Variants in BCL6 observed in about 807,000 individuals in gnomAD.
BCL6 encodes the protein BCL6 transcription repressor.
A neutral mutation model predicts 59.5 loss-of-function variants in BCL6; 7 were observed. The ratio of observed to expected loss-of-function variants is 0.12; its 90% CI spans 0.07 to 0.22. The LOEUF (loss-of-function observed/expected upper bound fraction) is 0.22, where lower values mean the gene tolerates loss of function less well. Ranked by LOEUF, BCL6 falls within the 10% of genes least tolerant of loss-of-function variation. The probability of loss-of-function intolerance (pLI) is 1.00; values close to 1 mark genes in which losing one functional copy is unlikely to be tolerated. For missense variants in BCL6, 685 were observed against 939.4 expected (o/e 0.73, Z 3.54); for synonymous variants, 339 against 349.7 (o/e 0.97, Z 0.34).
At position 187,725,473 on chromosome 3, in the gene BCL6, T is replaced by G; in HGVS notation, c.1839+26A>C. ...CTGCCCGCTCCGCTCGCCTGCCCGC[T>G]CCGCTCGCCTGCCCACTCTGCTCAC... is the stretch of plus-strand genomic sequence containing the variant. On this transcript the variant is annotated intron_variant, in intron 8 of 9. Transcript: ENST00000406870. This position sits in a 1 kb window ranked among gnomAD's most constrained non-coding sequence, Gnocchi z 4.7. 1 of 1,239,998 alleles carries G rather than the reference T, an allele frequency of 8.1e-7. No individual in the cohort carries two copies. Among genetic ancestry groups the G allele is most frequent in the Non-Finnish European group, 1.1e-6 (1 of 905,146 alleles). The allele number at this position is 1,239,998 out of a possible 1,614,324, so 76.8% of individuals were successfully genotyped here.
intron 1 of BCL6, among the ~76,000 whole-genome samples, chr3:187,743,872 C>A (rs1711728768): frequency 6.6e-6 from 1 of 152,156 alleles, no homozygotes; most frequent in Non-Finnish European, 1.5e-5. Flanking sequence ...ATCCAACCAA[C>A]CTCGCAATCT....
At chr3:187,739,201 G>A (rs990580852) in intron 1 of BCL6, among the ~76,000 whole-genome samples, 52 of 152,320 alleles carry the variant, frequency 3.4e-4, no homozygotes, top group African/African-American at 1.1e-3. Flanking sequence ...AATCCAAAGG[G>A]AAATCTGAAA....
chr3:187,744,692 G>C (rs563592106), intron 1 of BCL6, among the ~76,000 whole-genome samples: 1 of 152,272 alleles, frequency 6.6e-6, no homozygotes, highest in African/African-American at 2.4e-5. Context: ...AGCCAGCGGG[G>C]CGAGCGAGCG....
At chr3:187,744,602 AGTTCGCTTGCAT>A (rs1711797792) in intron 1 of BCL6, among the ~76,000 whole-genome samples, 1 of 152,108 alleles carries the variant, frequency 6.6e-6, no homozygotes, top group Admixed American at 6.5e-5. Context: ...AAACCCAAAG[AGTTCGCTTGCAT>A]TTTTTCCTTC....
chr3:187,744,319 T>C (rs1339605041), intron 1 of BCL6, among the ~76,000 whole-genome samples: 1 of 144,802 alleles, frequency 6.9e-6, no homozygotes, highest in Non-Finnish European at 1.5e-5. Flanking sequence ...TGCGCACCCC[T>C]TTCCCACCCA....
intron 1 of BCL6, among the ~76,000 whole-genome samples, chr3:187,743,864 C>T (rs34523440): frequency 4.5e-4 from 69 of 152,244 alleles, no homozygotes; most frequent in Admixed American, 1.2e-3. Context: ...GGTTGCAAAT[C>T]CAACCAACCT....
intron 1 of BCL6, among the ~76,000 whole-genome samples, chr3:187,741,087 A>G (rs955321052): frequency 6.6e-6 from 1 of 151,976 alleles, no homozygotes; most frequent in African/African-American, 2.4e-5. Flanking sequence ...CAGCTTCCAC[A>G]CCGATCCCTA....
chr3:187,744,882 G>C (rs1452100772), intron 1 of BCL6, among the ~76,000 whole-genome samples: 1 of 152,272 alleles, frequency 6.6e-6, no homozygotes, highest in African/African-American at 2.4e-5. Context: ...GAGATCACAA[G>C]CCGTACGCAA....
chr3:187,731,089 T>C (rs1719016455), intron 4 of BCL6, among the ~76,000 whole-genome samples: 1 of 152,146 alleles, frequency 6.6e-6, no homozygotes, highest in Non-Finnish European at 1.5e-5. Flanking sequence ...GATCTCAAGT[T>C]CCTCATCTTT....
intron 1 of BCL6, chr3:187,737,928 C>A (rs1048107777): frequency 4.0e-5 from 6 of 151,832 alleles, no homozygotes; most frequent in African/African-American, 1.5e-4. Flanking sequence ...AGCTGCCGGC[C>A]CCGGCAGCCG....
chr3:187,724,800 A>T, intron 9 of BCL6, 141 bp downstream of exon 9: 1 of 1,211,810 alleles, frequency 8.3e-7, no homozygotes, highest in Non-Finnish European at 1.1e-6. Flanking sequence ...CCATTAGCGT[A>T]GTGGTTGCCC....
chr3:187,734,012 G>T (rs1297776345), intron 2 of BCL6, among the ~76,000 whole-genome samples: 1 of 152,196 alleles, frequency 6.6e-6, no homozygotes, highest in African/African-American at 2.4e-5. Flanking sequence ...TAGTGAGTAT[G>T]TTGCAATGGA....
At chr3:187,731,538 G>A (rs1262792796) in intron 4 of BCL6, among the ~76,000 whole-genome samples, 171 bp downstream of exon 4, 1 of 152,182 alleles carries the variant, frequency 6.6e-6, no homozygotes, top group African/African-American at 2.4e-5. Context: ...CAGGAGTTAA[G>A]TCTGCCTGGG....
chr3:187,745,087 C>T (rs901330476), intron 1 of BCL6, among the ~76,000 whole-genome samples: 3 of 151,978 alleles, frequency 2.0e-5, no homozygotes, highest in Non-Finnish European at 1.5e-5. Flanking sequence ...GTGGCAAAAG[C>T]CTCCCCAAAC....
At position 187,721,889 on chromosome 3, in the gene BCL6, T is replaced by C. The variant is rs1205737168; in HGVS notation, c.*569A>G. ...TCTCAGATCCGTGTCTGCCTGCAGA[T>C]ACAAAATCGAGCCTTTAACGCAGTT... On this transcript the variant is annotated 3_prime_UTR_variant, in exon 10 of 10. Transcript: ENST00000406870. The surrounding 1 kb of genome is among the most constrained non-coding windows in gnomAD (Gnocchi z 4.2). 4.7e-6 allele frequency: 1 copy of C among 212,814 alleles called. No homozygotes were observed. Among genetic ancestry groups the C allele is most frequent in the Non-Finnish European group, 9.5e-6 (1 of 105,610 alleles). 13.2% of individuals were successfully genotyped at this position (212,814 alleles called of 1,614,324 possible). A position where few individuals can be genotyped will look rare whatever the true frequency, so the allele number is the denominator to read the frequency against.
At chr3:187,744,624 C>A (rs552646009) in intron 1 of BCL6, among the ~76,000 whole-genome samples, 1 of 152,140 alleles carries the variant, frequency 6.6e-6, no homozygotes, top group Non-Finnish European at 1.5e-5. Context: ...TTTTTTCCTT[C>A]CAAATCTCGG....
At chr3:187,745,085 A>T (rs527666898) in intron 1 of BCL6, among the ~76,000 whole-genome samples, 1 of 152,142 alleles carries the variant, frequency 6.6e-6, no homozygotes, top group East Asian at 1.9e-4. Flanking sequence ...GGGTGGCAAA[A>T]GCCTCCCCAA....
chr3:187,745,334 C>T, intron 1 of BCL6, 76 bp downstream of exon 1: 1 of 401,280 alleles, frequency 2.5e-6, no homozygotes, highest in Non-Finnish European at 4.4e-6. Context: ...GCAGCGGCGG[C>T]GGCAGCGGCA....
At chr3:187,727,903 T>C (rs777478394) in intron 6 of BCL6, among the ~76,000 whole-genome samples, 10 of 152,192 alleles carry the variant, frequency 6.6e-5, no homozygotes, top group Non-Finnish European at 1.3e-4. Flanking sequence ...CGACTAATAT[T>C]ACTGAGTTCC....
Sources: allele counts gnomAD v4.1 joint callset (sites outside exome capture counted in the v4.1 genomes callset), GRCh38; gene constraint gnomAD v4.1.1; non-coding constraint Gnocchi (gnomAD v3.1); transcripts MANE v1.5; gene names NCBI Gene and HGNC (gene_info 2026-07-23, HGNC 2026-07-21).